RNF216: variants seen among roughly 807,000 people sequenced by gnomAD.
The protein encoded by RNF216 is E3 ubiquitin-protein ligase RNF216.
In RNF216, 72 loss-of-function variants were observed where a neutral mutation model predicts 110.8. The ratio of observed to expected loss-of-function variants is 0.65; its 90% CI spans 0.54 to 0.79. The LOEUF (loss-of-function observed/expected upper bound fraction) is 0.79, where lower values mean the gene tolerates loss of function less well. Ranked by LOEUF, RNF216 falls within the 30% of genes least tolerant of loss-of-function variation. RNF216 has a pLI of 0.00. For missense variants in RNF216, 1,342 were observed against 1,141.2 expected (o/e 1.18, Z -2.54); for synonymous variants, 495 against 407.5 (o/e 1.21, Z -2.59).
chr7:5,682,841 A>G (rs917566110), intron 13 of RNF216, among the ~76,000 whole-genome samples: 1 of 152,228 alleles, frequency 6.6e-6, no homozygotes, highest in Non-Finnish European at 1.5e-5. Context: ...GTCCTACTCT[A>G]GGGATCTATT....
intron 2 of RNF216, among the ~76,000 whole-genome samples, chr7:5,758,510 G>GT (rs1795762268): frequency 1.3e-5 from 2 of 152,234 alleles, no homozygotes; most frequent in East Asian, 3.9e-4. Flanking sequence ...TCTTCCACTT[G>GT]TGTCACTCCT....
intron 2 of RNF216, 103 bp downstream of exon 2, chr7:5,760,900 T>C: frequency 1.1e-6 from 1 of 904,992 alleles, no homozygotes; most frequent in African/African-American, 1.7e-5. Flanking sequence ...GAAATGTCCC[T>C]GGATTCTAAA....
rs372567291 is a variant in RNF216, at chr7:5,737,875, G to A, written c.1121+1401C>T. ...GAGGTGGAGGTGAGCAGATCATGAG[G>A]TCAGGGTTTCAAGACCAGCCTGACC... On this transcript the variant is annotated intron_variant, in intron 5 of 16. Coordinates refer to ENST00000389902, the MANE Select transcript of RNF216 (RefSeq NM_207111.4). 7.6e-4 allele frequency among the ~76,000 whole-genome samples: 115 copies of A among 152,182 alleles called. 4 individuals carry two copies. In the South Asian group the frequency reaches 0.023, roughly 30 times the overall value.
chr7:5,776,017 T>A (rs1272274198), intron 1 of RNF216, among the ~76,000 whole-genome samples: 1 of 152,150 alleles, frequency 6.6e-6, no homozygotes, highest in African/African-American at 2.4e-5. Context: ...CAAATACCAG[T>A]TGCTCATCCT....
At chr7:5,738,892 C>A (rs1171199706) in intron 5 of RNF216, among the ~76,000 whole-genome samples, 3 of 152,042 alleles carry the variant, frequency 2.0e-5, no homozygotes, top group Non-Finnish European at 2.9e-5. Flanking sequence ...TCCATAAAAT[C>A]CAGAAAACAG....
In RNF216 at chr7:5,747,235, C is replaced by T. The variant is rs146143379; in HGVS notation, c.202-5420G>A. On this transcript the variant is annotated intron_variant, in intron 3 of 16. Coordinates refer to ENST00000389902, the MANE Select transcript of RNF216 (RefSeq NM_207111.4). ...AAAACAGGTCATAGTTTAAAAATGT[C>T]CTAAACCTGGGGAAGACTTTCAGAC... Among the ~76,000 whole-genome samples, 12 of 152,274 alleles carry T rather than the reference C, an allele frequency of 7.9e-5. No individual in the cohort carries two copies. The East Asian group carries it at 1.2e-3, about 15-fold the overall frequency.
chr7:5,744,926 C>G (rs367944850), intron 3 of RNF216, among the ~76,000 whole-genome samples: 1 of 151,544 alleles, frequency 6.6e-6, no homozygotes, highest in Non-Finnish European at 1.5e-5. Flanking sequence ...GAGCCAAGAT[C>G]GCGCCATTGC....
chr7:5,624,061 T>G lies in RNF216; in HGVS notation c.2447A>C (p.Asn816Thr). Residue 816 changes from asparagine (N) to threonine (T), a missense_variant, in exon 16 of 17, where the codon AAT (asparagine) becomes ACT (threonine). Transcript: ENST00000389902. This position sits in a 1 kb window ranked among gnomAD's most constrained non-coding sequence, Gnocchi z 4.4. Reference protein sequence around the residue: ...KEAEEEQKRKNGENTFKRIGP... With the variant: ...KEAEEEQKRKTGENTFKRIGP... ...GCCTGGGGAGGGGCACTTGCCTCCA[T>G]TCTTTCTTTTCTGTTCCTCTTCAGC... 6.2e-7 allele frequency: 1 copy of G among 1,613,466 alleles called. No individual in the cohort carries two copies. Among genetic ancestry groups the G allele is most frequent in the East Asian group, 2.2e-5 (1 of 44,858 alleles).
At chr7:5,655,716 T>G (rs928650329) in intron 13 of RNF216, among the ~76,000 whole-genome samples, 3 of 148,148 alleles carry the variant, frequency 2.0e-5, no homozygotes, top group Admixed American at 6.6e-5. Flanking sequence ...CATTTGGAGC[T>G]CTCTCTGTGT....
intron 13 of RNF216, among the ~76,000 whole-genome samples, chr7:5,708,289 T>C (rs1457943731): frequency 6.6e-6 from 1 of 152,254 alleles, no homozygotes; most frequent in Non-Finnish European, 1.5e-5. Context: ...TCCTTACTAA[T>C]CTTCTGCCTG....
intron 13 of RNF216, among the ~76,000 whole-genome samples, chr7:5,676,254 G>A (rs1027965546): frequency 3.9e-5 from 6 of 151,958 alleles, no homozygotes; most frequent in South Asian, 2.1e-4. Context: ...TCAAGTGATC[G>A]GCCCGCCTTG....
chr7:5,687,410 AAAAAG>A (rs1791061533), intron 13 of RNF216, among the ~76,000 whole-genome samples: 1 of 143,746 alleles, frequency 7.0e-6, no homozygotes, highest in African/African-American at 2.6e-5. Flanking sequence ...AAAAAAAAAA[AAAAAG>A]AAAAAGAAAA....
intron 11 of RNF216, among the ~76,000 whole-genome samples, chr7:5,713,615 A>G (rs1792858633): frequency 6.6e-6 from 1 of 152,236 alleles, no homozygotes; most frequent in Admixed American, 6.5e-5. Flanking sequence ...CTATGCACCT[A>G]GAGTCAAACT....
intron 14 of RNF216, among the ~76,000 whole-genome samples, chr7:5,642,533 C>T (rs547716211): frequency 6.7e-6 from 1 of 149,026 alleles, no homozygotes; most frequent in Non-Finnish European, 1.5e-5. Context: ...TTGAGACTCA[C>T]TGCAACCTCC....
intron 6 of RNF216, among the ~76,000 whole-genome samples, chr7:5,730,458 G>C (rs761606720): frequency 6.6e-6 from 1 of 152,200 alleles, no homozygotes; most frequent in African/African-American, 2.4e-5. Context: ...TGGAGAATTC[G>C]TTCAATTCTT....
intron 14 of RNF216, among the ~76,000 whole-genome samples, chr7:5,650,774 T>G (rs1788339186): frequency 6.6e-6 from 1 of 152,168 alleles, no homozygotes; most frequent in Non-Finnish European, 1.5e-5. Context: ...ACTCGGATAA[T>G]CCAGATAACC....
chr7:5,755,149 G>C (rs1446094184), intron 2 of RNF216, among the ~76,000 whole-genome samples: 2 of 128,496 alleles, frequency 1.6e-5, no homozygotes, highest in Non-Finnish European at 3.6e-5. Flanking sequence ...AGGAAGGAAA[G>C]AAGGAAGGAG....
rs1200238024 is a variant in RNF216 at position 5,725,377 on chromosome 7, T to C, written c.1451A>G (p.Lys484Arg). The stretch of plus-strand genomic sequence containing the variant: ...ATACTGGTTCATTTGTTTTCTCTTC[T>C]TCCTTTTTCCACTGGTTTCTGGTGA... Reference protein sequence around the residue: ...ELSPETSGKRKKRKQMNQYSY... With the variant: ...ELSPETSGKRRKRKQMNQYSY... Residue 484 changes from lysine to arginine, a missense_variant, in exon 8 of 17, where the codon AAG (lysine) becomes AGG (arginine). Physicochemically the swap from Lys to Arg is conservative, Grantham distance 26. Coordinates refer to ENST00000389902, the MANE Select transcript of RNF216 (RefSeq NM_207111.4). 1.2e-6 allele frequency: 2 copies of C among 1,613,906 alleles called. No individual in the cohort carries two copies. Among genetic ancestry groups the C allele is most frequent in the East Asian group, 4.5e-5 (2 of 44,908 alleles).
intron 5 of RNF216, among the ~76,000 whole-genome samples, chr7:5,734,477 T>C (rs1794274640): frequency 6.6e-6 from 1 of 152,182 alleles, no homozygotes; most frequent in South Asian, 2.1e-4. Flanking sequence ...CTGTGCATCT[T>C]TACTTTGTTC....
Sources: allele counts gnomAD v4.1 joint callset (sites outside exome capture counted in the v4.1 genomes callset), GRCh38; gene constraint gnomAD v4.1.1; non-coding constraint Gnocchi (gnomAD v3.1); transcripts MANE v1.5; gene names NCBI Gene and HGNC (gene_info 2026-07-23, HGNC 2026-07-21).